The following OOSP1 variants were observed in gnomAD, a reference collection of about 807,000 sequenced individuals.
OOSP1 encodes the protein putative oocyte-secreted protein 1 homolog.
A neutral mutation model predicts 5.7 loss-of-function variants in OOSP1; 11 were observed. The ratio of observed to expected loss-of-function variants is 1.94; its 90% CI spans 1.22 to 3.20. OOSP1 has a LOEUF of 3.20. Ranked by LOEUF, OOSP1 falls within the 30% of genes most tolerant of loss-of-function variation. The pLI, the probability that OOSP1 is intolerant of heterozygous loss-of-function variation, is 0.00. For synonymous variants in OOSP1, 44 were observed against 20.0 expected (o/e 2.20, Z -3.20); for missense variants, 83 against 54.1 (o/e 1.53, Z -1.67).
At chr11:59,956,295 G>A (rs1386919654) in intron 4 of OOSP1, among the ~76,000 whole-genome samples, 1 of 151,942 alleles carries the variant, frequency 6.6e-6, no homozygotes, top group Non-Finnish European at 1.5e-5. Flanking sequence ...AGTTTCCTTG[G>A]CTGAGGACAT....
intron 2 of OOSP1, among the ~76,000 whole-genome samples, chr11:59,943,876 T>C (rs1853855647): frequency 1.3e-5 from 2 of 152,260 alleles, no homozygotes; most frequent in Non-Finnish European, 2.9e-5. Flanking sequence ...GCTATGATAT[T>C]ACTTATTTTT....
At chr11:59,941,695 T>C (rs2134563966) in intron 1 of OOSP1, among the ~76,000 whole-genome samples, 1 of 152,318 alleles carries the variant, frequency 6.6e-6, no homozygotes. Context: ...GTACATTTTA[T>C]GTGAACATAC....
At chr11:59,949,710 G>C (rs879388620) in intron 4 of OOSP1, among the ~76,000 whole-genome samples, 4 of 152,110 alleles carry the variant, frequency 2.6e-5, no homozygotes, top group Non-Finnish European at 5.9e-5. Context: ...GGCACCCCCT[G>C]GAAAGCTCCA....
At chr11:59,943,082 C>T in intron 2 of OOSP1, 54 bp downstream of exon 2, 1 of 687,486 alleles carries the variant, frequency 1.5e-6, no homozygotes, top group South Asian at 1.5e-5. Context: ...GTGATGTTCC[C>T]CTTCCTGTGT....
In OOSP1 at chr11:59,946,377, A is replaced by G. The variant is rs890889828; in HGVS notation, c.356+1111A>G. Reference sequence around the variant, plus strand: ...AAACGTTTGGGGACTGCCGTGCTAAACCATTCGTGAAGGGTCCACCTCCGT... The same window carrying G: ...AAACGTTTGGGGACTGCCGTGCTAAGCCATTCGTGAAGGGTCCACCTCCGT... On this transcript the variant is annotated intron_variant, in intron 3 of 4. Transcript: ENST00000646685. Among the ~76,000 whole-genome samples, 73 of 152,154 alleles carry G rather than the reference A, an allele frequency of 4.8e-4. 3 individuals carry two copies. Among genetic ancestry groups the G allele is most frequent in the Non-Finnish European group, 5.9e-5 (4 of 68,020 alleles).
intron 1 of OOSP1, 31 bp downstream of exon 1, chr11:59,938,561 T>G (rs1374998823): frequency 4.2e-6 from 2 of 478,024 alleles, no homozygotes; most frequent in Admixed American, 7.4e-5. Context: ...AATAGAAGTT[T>G]CTTAAAGAGA....
Position 59,949,913 on chromosome 11 carries a change from T to C in OOSP1, c.486+2051T>C, listed in dbSNP as rs562553774. 9.9e-4 allele frequency among the ~76,000 whole-genome samples: 151 copies of C among 152,288 alleles called. 1 individual carries two copies. The highest frequency in any genetic ancestry group is 3.4e-3 in the African/African-American group (143 of 41,578). Reference sequence around the variant, plus strand: ...GGGGATGTATCTGGAAGCAGCTTTGTTCATTACAGTGATGGTGTTAGTGTC... The same window carrying C: ...GGGGATGTATCTGGAAGCAGCTTTGCTCATTACAGTGATGGTGTTAGTGTC... On this transcript the variant is annotated intron_variant, in intron 4 of 4. Transcript: ENST00000646685.
chr11:59,948,500 C>T (rs1853909803), intron 4 of OOSP1, among the ~76,000 whole-genome samples: 1 of 152,208 alleles, frequency 6.6e-6, no homozygotes, highest in Non-Finnish European at 1.5e-5. Flanking sequence ...ACACACATCA[C>T]ACTTGAATCA....
At chr11:59,948,034 T>C (rs910792506) in intron 4 of OOSP1, among the ~76,000 whole-genome samples, 172 bp downstream of exon 4, 2 of 152,260 alleles carry the variant, frequency 1.3e-5, no homozygotes, top group Non-Finnish European at 2.9e-5. Context: ...TTGGAGATTT[T>C]ATTGATCATG....
chr11:59,940,757 C>T (rs1350352606), intron 1 of OOSP1, among the ~76,000 whole-genome samples: 1 of 152,090 alleles, frequency 6.6e-6, no homozygotes, highest in Non-Finnish European at 1.5e-5. Context: ...CTCAATTGTT[C>T]TTTAATTCTA....
At chr11:59,948,686 C>T (rs1853911430) in intron 4 of OOSP1, 1 of 397,724 alleles carries the variant, frequency 2.5e-6, no homozygotes, top group Non-Finnish European at 4.4e-6. Flanking sequence ...ATTTTACTGT[C>T]TTTCTTCCAT....
At chr11:59,944,241 G>GT (rs1463315472) in intron 2 of OOSP1, among the ~76,000 whole-genome samples, 3 of 151,770 alleles carry the variant, frequency 2.0e-5, no homozygotes, top group African/African-American at 7.3e-5. Context: ...AGGCTATCTG[G>GT]TAACAGCATT....
At chr11:59,954,901 TTTC>T (rs1361610394) in intron 4 of OOSP1, among the ~76,000 whole-genome samples, 16 of 152,188 alleles carry the variant, frequency 1.1e-4, no homozygotes, top group African/African-American at 2.9e-4. Flanking sequence ...CTCCTTTGGT[TTTC>T]TTCTTCTTTT....
chr11:59,939,032 T>C (rs1196704240), intron 1 of OOSP1, among the ~76,000 whole-genome samples: 1 of 152,202 alleles, frequency 6.6e-6, no homozygotes, highest in Non-Finnish European at 1.5e-5. Context: ...GTACTTTTCC[T>C]GCGTCGGCCC....
In OOSP1 at chr11:59,954,322, G is replaced by A. The variant is rs1853969810; in HGVS notation, c.487-2873G>A. Among the ~76,000 whole-genome samples, 4 of 152,104 alleles carry A rather than the reference G, an allele frequency of 2.6e-5. No individual in the cohort carries two copies. The South Asian group carries it at 8.3e-4, about 31-fold the overall frequency. ...TCAGCTCTGCCCTTGTTCCATGAAAGCAGACATGTGCAGTACGTAAACAAA... is the reference window on the plus strand; with the variant it reads ...TCAGCTCTGCCCTTGTTCCATGAAAACAGACATGTGCAGTACGTAAACAAA... On this transcript the variant is annotated intron_variant, in intron 4 of 4. Coordinates refer to ENST00000646685, the Ensembl canonical transcript of OOSP1.
At chr11:59,951,405 A>C (rs937643279) in intron 4 of OOSP1, among the ~76,000 whole-genome samples, 5 of 152,124 alleles carry the variant, frequency 3.3e-5, no homozygotes, top group Admixed American at 2.6e-4. Context: ...ATTTTTAGAA[A>C]ATTGGGCTGA....
chr11:59,949,533 G>A (rs1853919099), intron 4 of OOSP1, among the ~76,000 whole-genome samples: 2 of 152,086 alleles, frequency 1.3e-5, no homozygotes, highest in Admixed American at 6.6e-5. Flanking sequence ...AACAGCTGAT[G>A]TAAAGTCACT....
At chr11:59,942,306 G>T (rs1853836836) in intron 1 of OOSP1, among the ~76,000 whole-genome samples, 1 of 152,104 alleles carries the variant, frequency 6.6e-6, no homozygotes, top group Non-Finnish European at 1.5e-5. Context: ...TTAATGTCCA[G>T]ATATTTCAAG....
intron 2 of OOSP1, 59 bp downstream of exon 2, chr11:59,943,087 C>T (rs1016313896): frequency 3.7e-5 from 25 of 683,694 alleles, no homozygotes; most frequent in Non-Finnish European, 5.9e-5. Context: ...GTTCCCCTTC[C>T]TGTGTCCATG....
Sources: gnomAD v4.1 joint callset for allele counts (sites outside exome capture counted in the v4.1 genomes callset) on GRCh38, gnomAD v4.1.1 for gene constraint, MANE v1.5 for transcripts, NCBI Gene and HGNC (gene_info 2026-07-23, HGNC 2026-07-21) for gene names.